The following SLC7A14 variants were observed in gnomAD, a reference collection of about 807,000 sequenced individuals.
SLC7A14 encodes solute carrier family 7 member 14.
Under a neutral mutation model 60.2 loss-of-function variants are expected in SLC7A14, and 37 were observed. That is an observed-to-expected ratio of 0.61 (90% CI 0.47 to 0.81). The LOEUF (loss-of-function observed/expected upper bound fraction) is 0.81. Among genes scored for constraint, SLC7A14 ranks in the 30% least tolerant of loss-of-function variants. The pLI is 0.00. For missense variants in SLC7A14, 886 were observed against 982.7 expected (o/e 0.90, Z 1.32); for synonymous variants, 399 against 395.8 (o/e 1.01, Z -0.10).
chr3:170,495,485 TG>T, intron 4 of SLC7A14: 1 of 900,816 alleles, frequency 1.1e-6, no homozygotes, highest in Non-Finnish European at 1.7e-6. Flanking sequence ...TGTCCACCTC[TG>T]GCCCCCAGGC....
chr3:170,553,889 CT>C (rs549196944), intron 1 of SLC7A14, among the ~76,000 whole-genome samples: 77 of 145,874 alleles, frequency 5.3e-4, no homozygotes, highest in Middle Eastern at 3.5e-3. Flanking sequence ...TTAATATTAT[CT>C]TTTTTTTCTC....
chr3:170,497,569 G>C (rs768702030), intron 4 of SLC7A14, among the ~76,000 whole-genome samples: 2 of 152,208 alleles, frequency 1.3e-5, no homozygotes, highest in Admixed American at 6.5e-5. Context: ...TCTGTCATCA[G>C]TTCTAGGCAG....
Position 170,461,330 on chromosome 3 carries a change from ACT to A in SLC7A14, c.*5723_*5724del, listed in dbSNP as rs1739599804. 4 of 152,116 alleles carry A rather than the reference ACT, an allele frequency of 2.6e-5. No individual in the cohort carries two copies. In the South Asian group the frequency reaches 8.3e-4, roughly 32 times the overall value. The allele number at this position is 152,116 out of a possible 1,614,324, so 9.4% of individuals were successfully genotyped here. A position where few individuals can be genotyped will look rare whatever the true frequency, so the allele number is the denominator to read the frequency against. On this transcript the variant is annotated 3_prime_UTR_variant, in exon 8 of 8. Transcript: ENST00000231706. Reference sequence around the variant, plus strand: ...GGTTCTAAGTCCTAAAAAAAAGAACACTCTATTTTCTTAGAGAAGTAATTTTG... The same window carrying A: ...GGTTCTAAGTCCTAAAAAAAAGAACACTATTTTCTTAGAGAAGTAATTTTG...
At chr3:170,519,824 AC>A (rs1189538853) in intron 2 of SLC7A14, among the ~76,000 whole-genome samples, 1 of 152,150 alleles carries the variant, frequency 6.6e-6, no homozygotes, top group African/African-American at 2.4e-5. Context: ...GTAAGGAATC[AC>A]CTGCCCCAAC....
intron 4 of SLC7A14, chr3:170,496,433 C>T (rs2108277520): frequency 1.6e-6 from 2 of 1,267,266 alleles, no homozygotes; most frequent in African/African-American, 1.5e-5. Context: ...TGGAGGCCCC[C>T]ATCGCAGATA....
intron 2 of SLC7A14, among the ~76,000 whole-genome samples, chr3:170,515,068 T>A (rs1713107035): frequency 6.6e-6 from 1 of 152,046 alleles, no homozygotes; most frequent in Non-Finnish European, 1.5e-5. Flanking sequence ...ATCCCAGCAC[T>A]TTGGGAGGCC....
intron 1 of SLC7A14, among the ~76,000 whole-genome samples, chr3:170,554,502 C>T (rs1714434706): frequency 6.6e-6 from 1 of 152,172 alleles, no homozygotes; most frequent in African/African-American, 2.4e-5. Context: ...GGTGGCTTCT[C>T]CTTCATCTCC....
chr3:170,563,700 C>T (rs75068815), intron 1 of SLC7A14, among the ~76,000 whole-genome samples: 9,357 of 152,162 alleles, frequency 0.061, 376 homozygotes, highest in East Asian at 0.21. Flanking sequence ...GGATTACAGG[C>T]GTAAGCCACC....
intron 7 of SLC7A14, 30 bp from the exon 8 acceptor site, chr3:170,467,407 A>G: frequency 6.8e-7 from 1 of 1,475,976 alleles, no homozygotes; most frequent in Non-Finnish European, 9.0e-7. Context: ...GTACAGGTGA[A>G]TAAGCAATTG....
At chr3:170,538,536 C>T (rs1302524996) in intron 1 of SLC7A14, among the ~76,000 whole-genome samples, 1 of 152,150 alleles carries the variant, frequency 6.6e-6, no homozygotes, top group Non-Finnish European at 1.5e-5. Context: ...TGTCGATATA[C>T]GTTATTATAC....
chr3:170,551,869 CT>C (rs1447201820), intron 1 of SLC7A14, among the ~76,000 whole-genome samples: 10 of 152,146 alleles, frequency 6.6e-5, no homozygotes, highest in African/African-American at 2.4e-4. Flanking sequence ...ATTCTTTTCA[CT>C]TTCTTAAAGG....
At chr3:170,493,643 T>A (rs1380417814) in intron 4 of SLC7A14, among the ~76,000 whole-genome samples, 1 of 152,178 alleles carries the variant, frequency 6.6e-6, no homozygotes, top group Non-Finnish European at 1.5e-5. Context: ...GAGCGAGGAA[T>A]GTGTGTATTA....
chr3:170,518,002 G>C (rs1553870277), intron 2 of SLC7A14, among the ~76,000 whole-genome samples: 1 of 152,170 alleles, frequency 6.6e-6, no homozygotes, highest in Non-Finnish European at 1.5e-5. Flanking sequence ...CTCAGAGATA[G>C]CTCGCTGAAA....
intron 1 of SLC7A14, among the ~76,000 whole-genome samples, chr3:170,570,989 T>G (rs959570800): frequency 6.6e-6 from 1 of 152,154 alleles, no homozygotes; most frequent in African/African-American, 2.4e-5. Flanking sequence ...TCCTCACCCC[T>G]TCTTTTATTG....
chr3:170,559,957 G>A (rs7614928), intron 1 of SLC7A14, among the ~76,000 whole-genome samples: 120,886 of 152,224 alleles, frequency 0.79, 48,696 homozygotes, highest in African/African-American at 0.94. Flanking sequence ...ACACAGCATT[G>A]CTGAATAAAG....
chr3:170,545,477 T>C (rs760372591), intron 1 of SLC7A14, among the ~76,000 whole-genome samples: 21 of 152,354 alleles, frequency 1.4e-4, no homozygotes, highest in Middle Eastern at 3.4e-3. Context: ...ATGTGGGCTG[T>C]CCCTGTAGAG....
chr3:170,528,955 C>T (rs966003064), intron 1 of SLC7A14, among the ~76,000 whole-genome samples: 14 of 152,194 alleles, frequency 9.2e-5, no homozygotes, highest in Non-Finnish European at 8.8e-5. Flanking sequence ...CCAAGCATGG[C>T]GTGAGGCTTG....
chr3:170,577,557 G>T (rs1427727062), intron 1 of SLC7A14, among the ~76,000 whole-genome samples: 1 of 148,808 alleles, frequency 6.7e-6, no homozygotes, highest in Non-Finnish European at 1.5e-5. Context: ...AGCAGAGCTT[G>T]CAGTGAGCCG....
At chr3:170,563,375 AG>A (rs1714705537) in intron 1 of SLC7A14, among the ~76,000 whole-genome samples, 1 of 151,398 alleles carries the variant, frequency 6.6e-6, no homozygotes, top group Non-Finnish European at 1.5e-5. Context: ...GCTGCAAAAA[AG>A]GTGCACTCAC....
Sources: gnomAD v4.1 joint callset for allele counts (sites outside exome capture counted in the v4.1 genomes callset) on GRCh38, gnomAD v4.1.1 for gene constraint, MANE v1.5 for transcripts, NCBI Gene and HGNC (gene_info 2026-07-23, HGNC 2026-07-21) for gene names.